The following LMCD1 variants were observed in gnomAD, a reference collection of about 807,000 sequenced individuals.
LMCD1 encodes the protein LIM and cysteine-rich domains protein 1.
Under a neutral mutation model 42.7 loss-of-function variants are expected in LMCD1, and 32 were observed. The observed-to-expected ratio is 0.75, with a 90% confidence interval of 0.57 to 1.01. The LOEUF is 1.01. Ranked by LOEUF, LMCD1 falls within the 50% of genes least tolerant of loss-of-function variation. The probability of loss-of-function intolerance (pLI) is 0.00; values close to 1 mark genes in which losing one functional copy is unlikely to be tolerated. For missense variants in LMCD1, 458 were observed against 483.1 expected (o/e 0.95, Z 0.49); for synonymous variants, 178 against 184.9 (o/e 0.96, Z 0.30).
At chr3:8,520,613 A>G (rs546996152) in intron 1 of LMCD1, among the ~76,000 whole-genome samples, 3 of 152,342 alleles carry the variant, frequency 2.0e-5, no homozygotes, top group South Asian at 2.1e-4. Flanking sequence ...CTTGTGGCTC[A>G]TAGTGATGCT....
intron 4 of LMCD1, among the ~76,000 whole-genome samples, chr3:8,564,979 A>T (rs1351372185): frequency 6.6e-6 from 1 of 152,216 alleles, no homozygotes; most frequent in African/African-American, 2.4e-5. Flanking sequence ...ATTTTCTTCT[A>T]CTTTTTTTGT....
At chr3:8,550,386 C>T in intron 4 of LMCD1, 1 of 985,382 alleles carries the variant, frequency 1.0e-6, no homozygotes. Context: ...AACAGGCTGG[C>T]AGTCACACAT....
intron 4 of LMCD1, among the ~76,000 whole-genome samples, chr3:8,556,911 T>C (rs933017285): frequency 6.6e-6 from 1 of 152,192 alleles, no homozygotes; most frequent in African/African-American, 2.4e-5. Flanking sequence ...ATGGATAATC[T>C]GCCCCAAGAA....
chr3:8,518,101 C>T (rs1694131396), intron 1 of LMCD1, among the ~76,000 whole-genome samples: 1 of 151,852 alleles, frequency 6.6e-6, no homozygotes, highest in African/African-American at 2.4e-5. Context: ...CCAGGGTCCA[C>T]ACAGGTAGTA....
chr3:8,560,639 A>T (rs1367808313), intron 4 of LMCD1, among the ~76,000 whole-genome samples: 1 of 152,228 alleles, frequency 6.6e-6, no homozygotes, highest in African/African-American at 2.4e-5. Context: ...CTCACTTTGT[A>T]TTCAGACAGC....
rs936780173 is a variant in LMCD1 at position 8,554,851 on chromosome 3, C to T, written c.723+5948C>T. 2.0e-5 allele frequency among the ~76,000 whole-genome samples: 3 copies of T among 152,312 alleles called. No individual in the cohort carries two copies. The South Asian group carries it at 6.2e-4, about 32-fold the overall frequency. On this transcript the variant is annotated intron_variant, in intron 4 of 5. Transcript: ENST00000157600. ...GCCCAGGAATTTCCGCCTTTCTCCACACCCCGAACTTGTAACTGAAGAAAG... is the reference window on the plus strand; with the variant it reads ...GCCCAGGAATTTCCGCCTTTCTCCATACCCCGAACTTGTAACTGAAGAAAG...
At chr3:8,545,141 A>G (rs1333419311) in intron 3 of LMCD1, among the ~76,000 whole-genome samples, 1 of 152,178 alleles carries the variant, frequency 6.6e-6, no homozygotes, top group Admixed American at 6.5e-5. Context: ...CATATTTTTT[A>G]ATTAATAAAC....
chr3:8,574,088 G>C lies in LMCD1; in HGVS notation c.*6490G>C, dbSNP rs1331904168. 6.6e-6 allele frequency: 1 copy of C among 152,208 alleles called. No homozygotes were observed. Among genetic ancestry groups the C allele is most frequent in the Non-Finnish European group, 1.5e-5 (1 of 68,034 alleles). The allele number at this position is 152,208 out of a possible 1,614,324, so 9.4% of individuals were successfully genotyped here. On this transcript the variant is annotated 3_prime_UTR_variant, in exon 6 of 6. Coordinates refer to ENST00000157600, the MANE Select transcript of LMCD1 (RefSeq NM_014583.4). Reference sequence around the variant, plus strand: ...CTTTATTCTTAGGTAGGCTTACCCAGATAGTCATAAACACAGCCACCAGTG... The same window carrying C: ...CTTTATTCTTAGGTAGGCTTACCCACATAGTCATAAACACAGCCACCAGTG...
At chr3:8,546,135 AAAAAC>A (rs1694731095) in intron 3 of LMCD1, among the ~76,000 whole-genome samples, 1 of 152,230 alleles carries the variant, frequency 6.6e-6, no homozygotes, top group African/African-American at 2.4e-5. Flanking sequence ...TCTGTCTCAA[AAAAAC>A]AAAACAAAAC....
chr3:8,519,549 A>C (rs1171665255), intron 1 of LMCD1, among the ~76,000 whole-genome samples: 1 of 152,194 alleles, frequency 6.6e-6, no homozygotes, highest in Non-Finnish European at 1.5e-5. Context: ...CATAAAACTG[A>C]GCTTAGAAAA....
chr3:8,517,082 G>A (rs183907722), intron 1 of LMCD1, among the ~76,000 whole-genome samples: 60 of 152,330 alleles, frequency 3.9e-4, no homozygotes, highest in Admixed American at 8.5e-4. Flanking sequence ...CATGGTGAAT[G>A]TGAATGAAAT....
At chr3:8,551,757 C>G (rs1181657894) in intron 4 of LMCD1, among the ~76,000 whole-genome samples, 1 of 152,226 alleles carries the variant, frequency 6.6e-6, no homozygotes, top group Non-Finnish European at 1.5e-5. Context: ...CCTGACCCGT[C>G]TGCCTTGCCT....
chr3:8,547,216 GTC>G (rs1189853986), intron 3 of LMCD1, among the ~76,000 whole-genome samples: 1 of 152,182 alleles, frequency 6.6e-6, no homozygotes, highest in African/African-American at 2.4e-5. Flanking sequence ...GCAAACAAGT[GTC>G]TCTTTCTCAC....
At chr3:8,524,156 C>T (rs901039169) in intron 1 of LMCD1, among the ~76,000 whole-genome samples, 1 of 149,256 alleles carries the variant, frequency 6.7e-6, no homozygotes, top group African/African-American at 2.5e-5. Flanking sequence ...GTGAAAAAAG[C>T]CTTCCTGGCC....
At chr3:8,537,523 T>C (rs1694535320) in intron 3 of LMCD1, 83 bp downstream of exon 3, 1 of 1,448,392 alleles carries the variant, frequency 6.9e-7, no homozygotes, top group South Asian at 1.5e-5. Context: ...ATTTCAAACA[T>C]GGGGTGGCAA....
chr3:8,515,098 A>T (rs12715650), intron 1 of LMCD1: 10 of 442,764 alleles, frequency 2.3e-5, no homozygotes, highest in Admixed American at 4.8e-5. Flanking sequence ...GTGAGGCCAA[A>T]GCATGGAAAG....
chr3:8,535,052 A>G (rs1694484640), intron 2 of LMCD1, among the ~76,000 whole-genome samples: 1 of 152,174 alleles, frequency 6.6e-6, no homozygotes, highest in African/African-American at 2.4e-5. Flanking sequence ...CATTTATGGA[A>G]AGTATTGGGG....
At chr3:8,556,152 C>T (rs1335384526) in intron 4 of LMCD1, among the ~76,000 whole-genome samples, 1 of 152,166 alleles carries the variant, frequency 6.6e-6, no homozygotes, top group African/African-American at 2.4e-5. Flanking sequence ...GGCACTGTGC[C>T]AGATATTTTG....
Position 8,556,404 on chromosome 3 carries a change from GTGTGTGTGTGTA to G in LMCD1, c.723+7513_723+7524del, listed in dbSNP as rs1316433076. Among the ~76,000 whole-genome samples, 359 of 151,460 alleles carry G rather than the reference GTGTGTGTGTGTA, an allele frequency of 2.4e-3. 1 individual carries two copies. The highest frequency in any genetic ancestry group is 8.4e-3 in the African/African-American group (348 of 41,316). The stretch of plus-strand genomic sequence containing the variant: ...TCCAGGAAGCTTTTTTTTTTCAGGA[GTGTGTGTGTGTA>G]TGTGTGTGTGTGTTGGATCAGGACG... On this transcript the variant is annotated intron_variant, in intron 4 of 5. Transcript: ENST00000157600.
Sources: gnomAD v4.1 joint callset for allele counts (sites outside exome capture counted in the v4.1 genomes callset) on GRCh38, gnomAD v4.1.1 for gene constraint, MANE v1.5 for transcripts, NCBI Gene and HGNC (gene_info 2026-07-23, HGNC 2026-07-21) for gene names.